The following MOB3B variants were observed in gnomAD, a reference collection of about 807,000 sequenced individuals.
MOB3B encodes the protein MOB kinase activator 3B.
Under a neutral mutation model 18.7 loss-of-function variants are expected in MOB3B, and 7 were observed. That is an observed-to-expected ratio of 0.37 (90% CI 0.21 to 0.70). The LOEUF (loss-of-function observed/expected upper bound fraction) is 0.70. Ranked by LOEUF, MOB3B falls within the 30% of genes least tolerant of loss-of-function variation. The probability of loss-of-function intolerance (pLI) is 0.52; values close to 1 mark genes in which losing one functional copy is unlikely to be tolerated. For synonymous variants in MOB3B, 111 were observed against 99.9 expected (o/e 1.11, Z -0.66); for missense variants, 253 against 281.3 (o/e 0.90, Z 0.72).
chr9:27,393,383 G>A (rs1182597136), intron 2 of MOB3B, among the ~76,000 whole-genome samples: 3 of 151,980 alleles, frequency 2.0e-5, no homozygotes, highest in Non-Finnish European at 2.9e-5. Context: ...GTGTGTGTGT[G>A]TGTGTGTGTG....
intron 1 of MOB3B, among the ~76,000 whole-genome samples, chr9:27,464,861 C>T (rs1051276954): frequency 2.6e-5 from 4 of 152,238 alleles, no homozygotes; most frequent in African/African-American, 7.2e-5. Context: ...TTCACTATCA[C>T]GAGAATAGCA....
At chr9:27,525,604 T>C (rs1457376514) in intron 1 of MOB3B, among the ~76,000 whole-genome samples, 1 of 152,228 alleles carries the variant, frequency 6.6e-6, no homozygotes, top group East Asian at 1.9e-4. Flanking sequence ...AGCTTTCATT[T>C]AACCTTTGAG....
chr9:27,366,495 T>TAA (rs959762112), intron 2 of MOB3B, among the ~76,000 whole-genome samples: 4 of 152,304 alleles, frequency 2.6e-5, no homozygotes, highest in Non-Finnish European at 4.4e-5. Context: ...ATAAGTTGCC[T>TAA]AAATGGCTTG....
chr9:27,509,196 A>T (rs1435128324), intron 1 of MOB3B, among the ~76,000 whole-genome samples: 1 of 152,178 alleles, frequency 6.6e-6, no homozygotes, highest in East Asian at 1.9e-4. Flanking sequence ...ATACATAAAT[A>T]TACACATACA....
At chr9:27,404,874 C>T (rs940433218) in intron 2 of MOB3B, among the ~76,000 whole-genome samples, 1 of 152,044 alleles carries the variant, frequency 6.6e-6, no homozygotes, top group Non-Finnish European at 1.5e-5. Context: ...AATTTACATT[C>T]CCACCAACAG....
intron 1 of MOB3B, among the ~76,000 whole-genome samples, chr9:27,467,080 A>T (rs930945128): frequency 6.6e-6 from 1 of 152,192 alleles, no homozygotes; most frequent in Non-Finnish European, 1.5e-5. Context: ...CAAATAATTA[A>T]TGATTCTACC....
chr9:27,331,263 C>T (rs1048552196), intron 3 of MOB3B, among the ~76,000 whole-genome samples: 2 of 152,136 alleles, frequency 1.3e-5, no homozygotes, highest in Non-Finnish European at 2.9e-5. Context: ...AGGTTGAGTC[C>T]CATGCCTATG....
At chr9:27,364,991 T>C (rs959012518) in intron 2 of MOB3B, among the ~76,000 whole-genome samples, 4 of 152,174 alleles carry the variant, frequency 2.6e-5, no homozygotes, top group African/African-American at 9.7e-5. Flanking sequence ...TTATGTCTTA[T>C]ATTGCTGTAA....
At chr9:27,487,523 C>T (rs1819748106) in intron 1 of MOB3B, among the ~76,000 whole-genome samples, 1 of 152,140 alleles carries the variant, frequency 6.6e-6, no homozygotes, top group Admixed American at 6.5e-5. Flanking sequence ...CCATCACCTC[C>T]ATGAGACCTG....
chr9:27,487,807 C>A (rs758902952), intron 1 of MOB3B, among the ~76,000 whole-genome samples: 1 of 152,216 alleles, frequency 6.6e-6, no homozygotes, highest in African/African-American at 2.4e-5. Context: ...GCTATGGTCT[C>A]TTCTCTGCTT....
chr9:27,473,236 C>T (rs540972049), intron 1 of MOB3B, among the ~76,000 whole-genome samples: 1 of 152,320 alleles, frequency 6.6e-6, no homozygotes, highest in Middle Eastern at 3.4e-3. Flanking sequence ...GAGCTGAGCT[C>T]GCTGTCCTGA....
chr9:27,389,414 T>TTACTTGAACCTGCCGAGAGCTTCTC (rs1821694366), intron 2 of MOB3B, among the ~76,000 whole-genome samples: 1 of 150,394 alleles, frequency 6.6e-6, no homozygotes, highest in African/African-American at 2.5e-5. Context: ...TTCTTTCCAA[T>TTACTTGAACCTGCCGAGAGCTTCTC]TACTTGAACA....
At chr9:27,430,807 A>G (rs1476878717) in intron 2 of MOB3B, among the ~76,000 whole-genome samples, 1 of 152,084 alleles carries the variant, frequency 6.6e-6, no homozygotes, top group Non-Finnish European at 1.5e-5. Context: ...CTGTGAAAGT[A>G]GGCGCAACAA....
At chr9:27,506,687 C>T (rs546863964) in intron 1 of MOB3B, among the ~76,000 whole-genome samples, 2 of 151,862 alleles carry the variant, frequency 1.3e-5, no homozygotes, top group South Asian at 2.1e-4. Flanking sequence ...CCCGCCACCA[C>T]GCCCGGCTAA....
chr9:27,482,397 T>C (rs1289166092), intron 1 of MOB3B, among the ~76,000 whole-genome samples: 1 of 152,172 alleles, frequency 6.6e-6, no homozygotes, highest in Non-Finnish European at 1.5e-5. Flanking sequence ...TATCTAGCTA[T>C]TAAGAAAAAC....
chr9:27,525,196 C>T (rs969935494), intron 1 of MOB3B, among the ~76,000 whole-genome samples: 1 of 152,102 alleles, frequency 6.6e-6, no homozygotes, highest in Non-Finnish European at 1.5e-5. Context: ...AATAAGATTC[C>T]CTCTCCGTCT....
chr9:27,331,464 A>ATC lies in MOB3B; in HGVS notation c.622-850_622-849dup, dbSNP rs1236266544. Among the ~76,000 whole-genome samples, 7 of 149,568 alleles carry ATC rather than the reference A, an allele frequency of 4.7e-5. No individual in the cohort carries two copies. In the East Asian group the frequency reaches 7.8e-4, roughly 17 times the overall value. ...TTACATGCAGTGTATGAATTTGTAC[A>ATC]TCTCTGTGTGTGTGTGTGTGTACTG... On this transcript the variant is annotated intron_variant, in intron 3 of 3. Transcript: ENST00000262244.
intron 3 of MOB3B, among the ~76,000 whole-genome samples, chr9:27,344,379 A>G (rs1301959452): frequency 6.6e-6 from 1 of 152,212 alleles, no homozygotes; most frequent in African/African-American, 2.4e-5. Context: ...TTCCATTTAG[A>G]ATAATCTCCT....
Position 27,359,166 on chromosome 9 carries a change from G to C in MOB3B, c.489C>G (p.Val163=), listed in dbSNP as rs776572099. The change falls in exon 3 of 4, where the codon GTC becomes GTG. Residue 163 remains valine, a synonymous_variant. Transcript: ENST00000262244. ...GGTCGAAGTGGTGGATATAGACGTG[G>C]ACAAAGACCCGGAAAAGGCGGCACA... The part of the protein sequence containing the change: ...KILCRLFRVF[V]HVYIHHFDRV... 6 of 1,614,158 alleles carry C rather than the reference G, an allele frequency of 3.7e-6. No homozygotes were observed. The highest frequency in any genetic ancestry group is 3.3e-4 in the Middle Eastern group (2 of 6,062).
Sources: gnomAD v4.1 joint callset for allele counts (sites outside exome capture counted in the v4.1 genomes callset) on GRCh38, gnomAD v4.1.1 for gene constraint, MANE v1.5 for transcripts, NCBI Gene and HGNC (gene_info 2026-07-23, HGNC 2026-07-21) for gene names.